The following TMEM151A variants were observed in gnomAD, a reference collection of about 807,000 sequenced individuals.
The protein encoded by TMEM151A is transmembrane protein 151.
TMEM151A carries 21 observed loss-of-function variants against 33.7 expected under a neutral mutation model. That is an observed-to-expected ratio of 0.62 (90% CI 0.44 to 0.90). The LOEUF is 0.90. Among genes scored for constraint, TMEM151A ranks in the 40% least tolerant of loss-of-function variants. The probability of loss-of-function intolerance (pLI) is 0.00; values close to 1 mark genes in which losing one functional copy is unlikely to be tolerated. For synonymous variants in TMEM151A, 374 were observed against 330.3 expected, an observed-to-expected ratio of 1.13 and a Z score of -1.43; for missense variants, 704 against 697.7, an observed-to-expected ratio of 1.01 and a Z score of -0.10.
chr11:66,293,251 TA>T (rs540704457), intron 1 of TMEM151A, among the ~76,000 whole-genome samples: 55 of 152,232 alleles, frequency 3.6e-4, no homozygotes, highest in African/African-American at 1.3e-3. Context: ...TGGGCTGGGC[TA>T]GGGGGTGGTT....
At position 66,295,203 on chromosome 11, in the gene TMEM151A, T is replaced by C. The variant is rs1857502828; in HGVS notation, c.957T>C (p.Phe319=). ...TGCACTACCAGGTGGAGAAGCTCTT[T>C]GGCGCCAGCTCGCCCCCGCCGGGGG... ...AHVHYQVEKL[F]GASSPPPGAV... Residue 319 remains phenylalanine (F), a synonymous_variant, in exon 2 of 2, where the codon TTT becomes TTC. Coordinates refer to ENST00000327259, the MANE Select transcript of TMEM151A (RefSeq NM_153266.4). The C allele has an allele frequency of 1.3e-6, 2 of 1,577,600 alleles. No individual in the cohort carries two copies. Among genetic ancestry groups the C allele is most frequent in the African/African-American group, 2.7e-5 (2 of 74,070 alleles).
Position 66,294,994 on chromosome 11 carries a change from G to A in TMEM151A, c.748G>A (p.Asp250Asn). 1 of 1,590,994 alleles carries A rather than the reference G, an allele frequency of 6.3e-7. No individual in the cohort carries two copies. Among genetic ancestry groups the A allele is most frequent in the Non-Finnish European group, 8.5e-7 (1 of 1,175,356 alleles). The change falls in exon 2 of 2, where the codon GAC becomes AAC. Residue 250 changes from aspartate to asparagine, a missense_variant. Asp to Asn is a conservative substitution (Grantham distance 23). Around this residue, in one of 3 missense-constraint regions of TMEM151A, gnomAD observed 398 missense variants for 356.0 expected, o/e 1.12. Coordinates refer to ENST00000327259, the MANE Select transcript of TMEM151A (RefSeq NM_153266.4). ...CTTCTTCAGCGCCAACGAGGGCCTG[G>A]ACGACTATCTGGAGGCGCGCGAGGG... ...ARFFSANEGL[D>N]DYLEAREGMH...
chr11:66,295,780 T>G lies in TMEM151A; in HGVS notation c.*127T>G, dbSNP rs1590902239. The G allele has an allele frequency of 2.1e-5, 17 of 799,488 alleles. No homozygotes were observed. The highest frequency in any genetic ancestry group is 7.2e-5 in the East Asian group (2 of 27,836). The allele number at this position is 799,488 out of a possible 1,614,324, so 49.5% of individuals were successfully genotyped here. ...CACACACAAGGGGCAGGGGTGAGGG[T>G]GGGGGTGGGGGTCCTTAAACAGACT... On this transcript the variant is annotated 3_prime_UTR_variant, in exon 2 of 2. Transcript: ENST00000327259.
In TMEM151A at chr11:66,295,667, C is replaced by A; in HGVS notation, c.*14C>A. The A allele has an allele frequency of 6.8e-7, 1 of 1,476,766 alleles. No individual in the cohort carries two copies. Among genetic ancestry groups the A allele is most frequent in the East Asian group, 2.7e-5 (1 of 36,802 alleles). 91.5% of individuals were successfully genotyped at this position (1,476,766 alleles called of 1,614,324 possible). A position where few individuals can be genotyped will look rare whatever the true frequency, so the allele number is the denominator to read the frequency against. On this transcript the variant is annotated 3_prime_UTR_variant, in exon 2 of 2. Coordinates refer to ENST00000327259, the MANE Select transcript of TMEM151A (RefSeq NM_153266.4). Reference sequence around the variant, plus strand: ...GGTGCTCTCTGAGACCCCCCACGGCCCCCAGAGTGGCCCCCTCCCCACCAT... The same window carrying A: ...GGTGCTCTCTGAGACCCCCCACGGCACCCAGAGTGGCCCCCTCCCCACCAT...
chr11:66,293,274 G>T, intron 1 of TMEM151A, among the ~76,000 whole-genome samples: 1 of 152,122 alleles, frequency 6.6e-6, no homozygotes, highest in East Asian at 1.9e-4. Context: ...CTCTCCTCTT[G>T]GGCCTCTGGA....
Position 66,295,418 on chromosome 11 carries a change from C to G in TMEM151A, c.1172C>G (p.Pro391Arg). 4.8e-5 allele frequency: 72 copies of G among 1,499,882 alleles called. No individual in the cohort carries two copies. Among genetic ancestry groups the G allele is most frequent in the Non-Finnish European group, 6.4e-5 (72 of 1,125,634 alleles). 92.9% of individuals were successfully genotyped at this position (1,499,882 alleles called of 1,614,324 possible). ...RRSVSSNSLP[P>R]ARPSGPRLPF... ...TCTGTCAGCAGCAACTCGCTGCCCC[C>G]CGCCCGGCCCAGCGGGCCCCGCCTG... The change falls in exon 2 of 2, where the codon CCC (proline) becomes CGC (arginine). Residue 391 changes from proline to arginine, a missense_variant. Physicochemically the swap from Pro to Arg is moderately radical, Grantham distance 103 (BLOSUM62 -2). Around this residue, in one of 3 missense-constraint regions of TMEM151A, gnomAD observed 398 missense variants for 356.0 expected, o/e 1.12. Coordinates refer to ENST00000327259, the MANE Select transcript of TMEM151A (RefSeq NM_153266.4).
chr11:66,295,578 G>C lies in TMEM151A; in HGVS notation c.1332G>C (p.Glu444Asp), dbSNP rs1857510879. 1 of 1,525,750 alleles carries C rather than the reference G, an allele frequency of 6.6e-7. No individual in the cohort carries two copies. The highest frequency in any genetic ancestry group is 8.8e-7 in the Non-Finnish European group (1 of 1,139,350). 94.5% of individuals were successfully genotyped at this position (1,525,750 alleles called of 1,614,324 possible). Residue 444 changes from glutamate to aspartate, a missense_variant, in exon 2 of 2, where the codon GAG (glutamate) becomes GAC (aspartate). Glu to Asp is a conservative substitution (Grantham distance 45, BLOSUM62 2). Coordinates refer to ENST00000327259, the MANE Select transcript of TMEM151A (RefSeq NM_153266.4). ...TEPLESPPCY[E>D]DALYFPVLIV... ...CCCTGGAGAGCCCGCCCTGCTATGA[G>C]GACGCCCTCTACTTCCCGGTGCTCA...
rs138823111 is a variant in TMEM151A, at chr11:66,292,099, T to TG, written c.75+18dup. ...CCGCTGCGGGAAGAGGTACCGGCGC[T>TG]GGGGGGGCCGGAGCCGGGCCTGGGG... On this transcript the variant is annotated intron_variant, in intron 1 of 1. Coordinates refer to ENST00000327259, the MANE Select transcript of TMEM151A (RefSeq NM_153266.4). The surrounding 1 kb of genome is among the most constrained non-coding windows in gnomAD (Gnocchi z 4.7). 16,329 of 1,448,496 alleles carry TG rather than the reference T, an allele frequency of 0.011. 952 individuals carry two copies. In the African/African-American group the frequency reaches 0.16, roughly 14 times the overall value. The allele number at this position is 1,448,496 out of a possible 1,614,324, so 89.7% of individuals were successfully genotyped here.
chr11:66,294,188 C>T (rs1414242775), intron 1 of TMEM151A, 134 bp from the exon 2 acceptor site: 16 of 1,345,482 alleles, frequency 1.2e-5, no homozygotes, highest in Non-Finnish European at 1.6e-5. Context: ...AGCTGCTCAT[C>T]CCTCTAAGCC....
At position 66,294,634 on chromosome 11, in the gene TMEM151A, A is replaced by G; in HGVS notation, c.388A>G (p.Thr130Ala). Residue 130 changes from threonine (T) to alanine (A), a missense_variant, in exon 2 of 2, where the codon ACC (threonine) becomes GCC (alanine). Physicochemically the swap from Thr to Ala is moderately conservative, Grantham distance 58. Coordinates refer to ENST00000327259, the MANE Select transcript of TMEM151A (RefSeq NM_153266.4). ...CGTGCGGTCCTGCCAGGCGCCACGC[A>G]CCGACGCCCACACGGTGCTGGCGCT... The part of the protein sequence containing the change: ...CHVRSCQAPR[T>A]DAHTVLALIR... 1 of 1,610,206 alleles carries G rather than the reference A, an allele frequency of 6.2e-7. No individual in the cohort carries two copies. Among genetic ancestry groups the G allele is most frequent in the Non-Finnish European group, 8.5e-7 (1 of 1,178,640 alleles).
rs778940531 is a variant in TMEM151A at position 66,294,867 on chromosome 11, G to C, written c.621G>C (p.Leu207=). ...AHGVRDVSKE[L]VGLAEHAATR... ...GCGTCCGCGACGTCTCCAAGGAGCT[G>C]GTGGGGCTGGCGGAGCACGCGGCCA... The change falls in exon 2 of 2, where the codon CTG becomes CTC. Residue 207 remains leucine, a synonymous_variant. Coordinates refer to ENST00000327259, the MANE Select transcript of TMEM151A (RefSeq NM_153266.4). 9.8e-6 allele frequency: 15 copies of C among 1,537,350 alleles called. No homozygotes were observed. Among genetic ancestry groups the C allele is most frequent in the East Asian group, 2.4e-5 (1 of 40,848 alleles).
In TMEM151A at chr11:66,294,463, G is replaced by A. The variant is rs768574235; in HGVS notation, c.217G>A (p.Gly73Arg). 6.2e-7 allele frequency: 1 copy of A among 1,607,672 alleles called. No individual in the cohort carries two copies. Among genetic ancestry groups the A allele is most frequent in the South Asian group, 1.1e-5 (1 of 90,686 alleles). ...RLATVPRLVL[G>R]PEAALARGAG... ...GGCCACAGTGCCGCGGCTGGTCCTG[G>A]GGCCCGAGGCCGCCTTGGCCCGGGG... Residue 73 changes from glycine to arginine, a missense_variant, in exon 2 of 2, where the codon GGG (glycine) becomes AGG (arginine). By Grantham distance (125) the Gly-to-Arg change is moderately radical. Coordinates refer to ENST00000327259, the MANE Select transcript of TMEM151A (RefSeq NM_153266.4).
chr11:66,295,417 C>A lies in TMEM151A; in HGVS notation c.1171C>A (p.Pro391Thr). ...RRSVSSNSLP[P>T]ARPSGPRLPF... ...CTCTGTCAGCAGCAACTCGCTGCCC[C>A]CCGCCCGGCCCAGCGGGCCCCGCCT... Residue 391 changes from proline (P) to threonine (T), a missense_variant, in exon 2 of 2, where the codon CCC becomes ACC. Transcript: ENST00000327259. 1 of 1,499,496 alleles carries A rather than the reference C, an allele frequency of 6.7e-7. No individual in the cohort carries two copies. The highest frequency in any genetic ancestry group is 8.9e-7 in the Non-Finnish European group (1 of 1,125,426). 92.9% of individuals were successfully genotyped at this position (1,499,496 alleles called of 1,614,324 possible). A position where few individuals can be genotyped will look rare whatever the true frequency, so the allele number is the denominator to read the frequency against.
At chr11:66,294,248 C>A in intron 1 of TMEM151A, 74 bp from the exon 2 acceptor site, 22 of 1,568,006 alleles carry the variant, frequency 1.4e-5, no homozygotes, top group Non-Finnish European at 1.7e-5. Flanking sequence ...CTTCCTCAGC[C>A]GGGTTAAGCA....
Position 66,294,971 on chromosome 11 carries a change from T to C in TMEM151A, c.725T>C (p.Phe242Ser). 1 of 1,577,312 alleles carries C rather than the reference T, an allele frequency of 6.3e-7. No homozygotes were observed. The highest frequency in any genetic ancestry group is 8.6e-7 in the Non-Finnish European group (1 of 1,168,784). ...TCGTACCTCACGCAGCGGGCGCGCT[T>C]CTTCAGCGCCAACGAGGGCCTGGAC... ...EASYLTQRAR[F>S]FSANEGLDDY... The change falls in exon 2 of 2, where the codon TTC (phenylalanine) becomes TCC (serine). Residue 242 changes from phenylalanine to serine, a missense_variant. Physicochemically the swap from Phe to Ser is radical, Grantham distance 155. Around this residue, in one of 3 missense-constraint regions of TMEM151A, gnomAD observed 398 missense variants for 356.0 expected, o/e 1.12. Coordinates refer to ENST00000327259, the MANE Select transcript of TMEM151A (RefSeq NM_153266.4).
In TMEM151A at chr11:66,295,522, C is replaced by G. The variant is rs752090276; in HGVS notation, c.1276C>G (p.Pro426Ala). 9 of 1,398,212 alleles carry G rather than the reference C, an allele frequency of 6.4e-6. No homozygotes were observed. In the South Asian group the frequency reaches 1.5e-4, roughly 23 times the overall value. 86.6% of individuals were successfully genotyped at this position (1,398,212 alleles called of 1,614,324 possible). A position where few individuals can be genotyped will look rare whatever the true frequency, so the allele number is the denominator to read the frequency against. ...PGVFRSLSGG[P>A]LGRRGEDTEP... ...GGTCTTCCGCAGCCTGAGCGGGGGG[C>G]CGCTGGGGCGCCGTGGAGAGGACAC... The change falls in exon 2 of 2, where the codon CCG (proline) becomes GCG (alanine). Residue 426 changes from proline to alanine, a missense_variant. Physicochemically the swap from Pro to Ala is conservative, Grantham distance 27. Around this residue, in one of 3 missense-constraint regions of TMEM151A, gnomAD observed 398 missense variants for 356.0 expected, o/e 1.12. Transcript: ENST00000327259.
chr11:66,295,632 G>C lies in TMEM151A; in HGVS notation c.1386G>C (p.Gly462=). Residue 462 remains glycine (G), a synonymous_variant, in exon 2 of 2, where the codon GGG becomes GGC. Transcript: ENST00000327259. ...TCCACGGAGACAGCGGCTGCCAGGGGGATGGGCAGGGTGCTCTCTGAGACC... is the reference window on the plus strand; with the variant it reads ...TCCACGGAGACAGCGGCTGCCAGGGCGATGGGCAGGGTGCTCTCTGAGACC... ...LIVHGDSGCQ[G]DGQGAL 1 of 1,540,140 alleles carries C rather than the reference G, an allele frequency of 6.5e-7. No homozygotes were observed. The highest frequency in any genetic ancestry group is 8.7e-7 in the Non-Finnish European group (1 of 1,146,250).
In TMEM151A at chr11:66,294,384, G is replaced by A; in HGVS notation, c.138G>A (p.Leu46=). The A allele has an allele frequency of 6.2e-7, 1 of 1,611,456 alleles. No individual in the cohort carries two copies. Among genetic ancestry groups the A allele is most frequent in the Non-Finnish European group, 8.5e-7 (1 of 1,179,908 alleles). The change falls in exon 2 of 2, where the codon CTG becomes CTA. Residue 46 remains leucine, a synonymous_variant. Coordinates refer to ENST00000327259, the MANE Select transcript of TMEM151A (RefSeq NM_153266.4). ...SLCRESHWKC[L]LLTLLIHACG... is the part of the protein sequence containing the mutation. ...GCCGCGAGTCGCACTGGAAGTGCCT[G>A]CTCCTCACGCTGCTCATCCACGCCT...
Position 66,295,726 on chromosome 11 carries a change from G to A in TMEM151A, c.*73G>A. On this transcript the variant is annotated 3_prime_UTR_variant, in exon 2 of 2. Coordinates refer to ENST00000327259, the MANE Select transcript of TMEM151A (RefSeq NM_153266.4). ...GGGCTTAGATGCCCGAGTGATTGTT[G>A]TCCAAAACAGGCGGGAAAACAGACC... 7.6e-7 allele frequency: 1 copy of A among 1,315,206 alleles called. No individual in the cohort carries two copies. Among genetic ancestry groups the A allele is most frequent in the Non-Finnish European group, 9.8e-7 (1 of 1,016,580 alleles). The allele number at this position is 1,315,206 out of a possible 1,614,324, so 81.5% of individuals were successfully genotyped here. A position where few individuals can be genotyped will look rare whatever the true frequency, so the allele number is the denominator to read the frequency against.
Sources: allele counts gnomAD v4.1 joint callset (sites outside exome capture counted in the v4.1 genomes callset), GRCh38; gene constraint gnomAD v4.1.1; regional missense constraint gnomAD v4.1.1; non-coding constraint Gnocchi (gnomAD v3.1); transcripts MANE v1.5; gene names NCBI Gene and HGNC (gene_info 2026-07-23, HGNC 2026-07-21).